RBFOX1: variants seen among roughly 807,000 people sequenced by gnomAD.
RBFOX1 encodes RNA binding fox-1 homolog 1.
RBFOX1 carries 8 observed loss-of-function variants against 57.7 expected under a neutral mutation model. That is an observed-to-expected ratio of 0.14 (90% CI 0.08 to 0.25). The LOEUF (loss-of-function observed/expected upper bound fraction) is 0.25, where lower values mean the gene tolerates loss of function less well. RBFOX1 is among the 10% of genes least tolerant of loss of function. The pLI, the probability that RBFOX1 is intolerant of heterozygous loss-of-function variation, is 1.00. For missense variants in RBFOX1, 611 were observed against 548.5 expected, an observed-to-expected ratio of 1.11 and a Z score of -1.14; for synonymous variants, 326 against 222.4, an observed-to-expected ratio of 1.47 and a Z score of -4.15.
At chr16:6,420,016 G>C (rs2093730446) in intron 2 of RBFOX1, among the ~76,000 whole-genome samples, 1 of 152,102 alleles carries the variant, frequency 6.6e-6, no homozygotes, top group Non-Finnish European at 1.5e-5. Context: ...AAATCTTAAT[G>C]GATCCCACTG....
intron 3 of RBFOX1, among the ~76,000 whole-genome samples, chr16:5,773,593 A>G (rs535791637): frequency 6.6e-6 from 1 of 152,358 alleles, no homozygotes; most frequent in African/African-American, 2.4e-5. Flanking sequence ...TGAACAGTGT[A>G]ACAGTGAACA....
intron 4 of RBFOX1, among the ~76,000 whole-genome samples, chr16:7,424,606 T>C (rs917380792): frequency 3.9e-5 from 6 of 152,224 alleles, no homozygotes; most frequent in Non-Finnish European, 8.8e-5. Flanking sequence ...TGGTAAGGAC[T>C]TGATGTTTAC....
intron 4 of RBFOX1, among the ~76,000 whole-genome samples, chr16:7,405,689 T>G (rs1242215131): frequency 1.3e-5 from 2 of 152,224 alleles, no homozygotes; most frequent in African/African-American, 4.8e-5. Context: ...AGGTCCCAGC[T>G]GCACCTGTGG....
At chr16:5,393,033 G>A (rs558898116) in intron 1 of RBFOX1, among the ~76,000 whole-genome samples, 1 of 152,250 alleles carries the variant, frequency 6.6e-6, no homozygotes, top group South Asian at 2.1e-4. Flanking sequence ...AGAAGAGGTG[G>A]CTAAAAGACC....
chr16:5,790,185 C>G (rs1201290246), intron 3 of RBFOX1, among the ~76,000 whole-genome samples: 1 of 152,202 alleles, frequency 6.6e-6, no homozygotes, highest in Non-Finnish European at 1.5e-5. Context: ...CTGAAAGTGA[C>G]AAATAGCCCT....
chr16:5,722,512 C>T (rs1336614690), intron 3 of RBFOX1, among the ~76,000 whole-genome samples: 1 of 152,142 alleles, frequency 6.6e-6, no homozygotes, highest in East Asian at 1.9e-4. Flanking sequence ...CAGGTGTCCC[C>T]AGGGGATCAA....
intron 3 of RBFOX1, among the ~76,000 whole-genome samples, chr16:6,832,885 T>C (rs768407431): frequency 3.9e-5 from 6 of 152,226 alleles, no homozygotes; most frequent in Non-Finnish European, 8.8e-5. Flanking sequence ...TGGTTCTGGA[T>C]TGACAGGCGA....
chr16:6,922,116 C>T (rs1346479717), intron 3 of RBFOX1, among the ~76,000 whole-genome samples: 2 of 152,160 alleles, frequency 1.3e-5, no homozygotes, highest in Non-Finnish European at 2.9e-5. Context: ...TTCACACAGG[C>T]TGTTCCCTGT....
intron 4 of RBFOX1, among the ~76,000 whole-genome samples, chr16:7,502,418 A>AT (rs1173391714): frequency 6.6e-6 from 1 of 152,222 alleles, no homozygotes; most frequent in East Asian, 1.9e-4. Context: ...TGCATTCTTT[A>AT]TAAACAATGT....
chr16:6,024,199 G>T (rs2095141062), intron 1 of RBFOX1, among the ~76,000 whole-genome samples: 2 of 152,282 alleles, frequency 1.3e-5, no homozygotes, highest in South Asian at 4.2e-4. Context: ...AGTGGCTAAT[G>T]CAAGAAATAT....
intron 3 of RBFOX1, among the ~76,000 whole-genome samples, chr16:5,623,153 G>T (rs2048249115): frequency 1.3e-5 from 2 of 152,166 alleles, no homozygotes; most frequent in African/African-American, 4.8e-5. Flanking sequence ...TTAGTCTAAA[G>T]AAAGCCACCA....
intron 3 of RBFOX1, among the ~76,000 whole-genome samples, chr16:5,665,867 G>A (rs184212148): frequency 1.1e-3 from 163 of 152,328 alleles, no homozygotes; most frequent in African/African-American, 3.6e-3. Context: ...CACAGAAGTA[G>A]GTGCTGTTTT....
At chr16:7,620,310 G>A (rs146281070) in intron 10 of RBFOX1, among the ~76,000 whole-genome samples, 61 of 152,252 alleles carry the variant, frequency 4.0e-4, no homozygotes, top group African/African-American at 1.4e-3. Flanking sequence ...TAACCACTGA[G>A]GCTCAGAGAA....
chr16:5,691,683 G>A (rs1402844371), intron 3 of RBFOX1, among the ~76,000 whole-genome samples: 2 of 152,198 alleles, frequency 1.3e-5, no homozygotes, highest in Non-Finnish European at 2.9e-5. Context: ...CAGATTTTGG[G>A]AAATTGTGGA....
chr16:6,690,097 C>T (rs773083651), intron 3 of RBFOX1, among the ~76,000 whole-genome samples: 8 of 151,908 alleles, frequency 5.3e-5, no homozygotes, highest in Non-Finnish European at 1.0e-4. Flanking sequence ...GGGAATTATC[C>T]GTGAGTGAAA....
intron 5 of RBFOX1, among the ~76,000 whole-genome samples, chr16:7,579,383 C>A (rs890755244): frequency 3.3e-5 from 5 of 152,106 alleles, no homozygotes; most frequent in Admixed American, 6.5e-5. Flanking sequence ...ATTATTACCC[C>A]CTTCTTGATG....
intron 2 of RBFOX1, among the ~76,000 whole-genome samples, chr16:6,433,994 T>C (rs2094168904): frequency 6.6e-6 from 1 of 151,962 alleles, no homozygotes; most frequent in Non-Finnish European, 1.5e-5. Flanking sequence ...ATTACAGGCA[T>C]GCACCACCAA....
At chr16:5,897,365 C>G (rs1020657592) in intron 4 of RBFOX1, among the ~76,000 whole-genome samples, 1 of 152,146 alleles carries the variant, frequency 6.6e-6, no homozygotes, top group Non-Finnish European at 1.5e-5. Flanking sequence ...AAAAGGCATT[C>G]CACTCTGCTT....
At chr16:6,005,302 G>C (rs1004253582) in intron 4 of RBFOX1, among the ~76,000 whole-genome samples, 6 of 152,172 alleles carry the variant, frequency 3.9e-5, no homozygotes, top group Non-Finnish European at 2.9e-5. Flanking sequence ...CCATTTCTTG[G>C]ATAATGTTTC....
Sources: allele counts gnomAD v4.1 joint callset (sites outside exome capture counted in the v4.1 genomes callset), GRCh38; gene constraint gnomAD v4.1.1; transcripts MANE v1.5; gene names NCBI Gene and HGNC (gene_info 2026-07-23, HGNC 2026-07-21).